MGAT1: variants seen among roughly 807,000 people sequenced by gnomAD.
The protein encoded by MGAT1 is N-glycosyl-oligosaccharide-glycoprotein N-acetylglucosaminyltransferase I.
In MGAT1, 14 loss-of-function variants were observed where a neutral mutation model predicts 31.7. The ratio of observed to expected loss-of-function variants is 0.44; its 90% CI spans 0.29 to 0.69. MGAT1 has a LOEUF of 0.69. Among genes scored for constraint, MGAT1 ranks in the 30% least tolerant of loss-of-function variants. The pLI is 0.12. For synonymous variants in MGAT1, 338 were observed against 276.0 expected, an observed-to-expected ratio of 1.22 and a Z score of -2.23; for missense variants, 557 against 626.0, an observed-to-expected ratio of 0.89 and a Z score of 1.18.
chr5:180,804,443 C>A (rs1271390049), upstream of MGAT1, among the ~76,000 whole-genome samples: 1 of 152,212 alleles, frequency 6.6e-6, no homozygotes, highest in Non-Finnish European at 1.5e-5. Context: ...GGGAGAAGGG[C>A]AGGCCCACCG....
At chr5:180,799,516 G>T (rs6885157) in intron 1 of MGAT1, among the ~76,000 whole-genome samples, 41,529 of 152,054 alleles carry the variant, frequency 0.27, 8,886 homozygotes, top group African/African-American at 0.6. Flanking sequence ...TGGCCACGCT[G>T]ACCTGACTCC....
chr5:180,800,629 T>C (rs1024474377), intron 1 of MGAT1, among the ~76,000 whole-genome samples: 2 of 152,060 alleles, frequency 1.3e-5, no homozygotes, highest in African/African-American at 2.4e-5. Context: ...GGTGAAAGTG[T>C]ATCCTGTTCC....
intron 1 of MGAT1, among the ~76,000 whole-genome samples, chr5:180,796,979 A>C (rs769430481): frequency 2.0e-5 from 3 of 152,166 alleles, no homozygotes; most frequent in Admixed American, 2.0e-4. Context: ...CTCCAATCTA[A>C]TGGCCAGGAT....
In MGAT1 at chr5:180,792,419, T is replaced by A. The variant is rs1416480456; in HGVS notation, c.553A>T (p.Ile185Phe). 1 of 1,611,246 alleles carries A rather than the reference T, an allele frequency of 6.2e-7. No individual in the cohort carries two copies. Among genetic ancestry groups the A allele is most frequent in the Admixed American group, 1.7e-5 (1 of 59,940 alleles). The part of the protein sequence containing the change: ...DHRKFQGYYK[I>F]ARHYRWALGQ... ...AGCGCCCAGCGGTAGTGGCGCGCGA[T>A]CTTGTAGTAGCCCTGGAACTTGCGG... Residue 185 changes from isoleucine to phenylalanine, a missense_variant, in exon 2 of 2, where the codon ATC becomes TTC. Ile to Phe is a conservative substitution (Grantham distance 21). Around this residue, in one of 3 missense-constraint regions of MGAT1, gnomAD observed 245 missense variants for 332.9 expected, o/e 0.74. Coordinates refer to ENST00000307826, the MANE Select transcript of MGAT1 (RefSeq NM_002406.4).
At chr5:180,809,286 A>G (rs1306044457) in intron 1 of MGAT1, 2 of 152,128 alleles carry the variant, frequency 1.3e-5, no homozygotes, top group Non-Finnish European at 2.9e-5. Context: ...TAGTGTTTAC[A>G]TATATAAACA....
At chr5:180,809,511 T>C (rs1772306623) in intron 1 of MGAT1, 1 of 152,086 alleles carries the variant, frequency 6.6e-6, no homozygotes, top group Non-Finnish European at 1.5e-5. Flanking sequence ...CCACCAGCCC[T>C]CTTCAACTAG....
intron 1 of MGAT1, chr5:180,795,758 T>A (rs1769219413): frequency 6.6e-6 from 1 of 152,218 alleles, no homozygotes; most frequent in African/African-American, 2.4e-5. Flanking sequence ...AAGAGCTTCA[T>A]CCATCAGCGT....
upstream of MGAT1, among the ~76,000 whole-genome samples, chr5:180,805,671 A>C (rs901144583): frequency 6.6e-6 from 1 of 152,012 alleles, no homozygotes; most frequent in African/African-American, 2.4e-5. Flanking sequence ...AATTGCTTGA[A>C]CCTGGGAAGC....
chr5:180,799,830 T>C (rs1232335153), intron 1 of MGAT1, among the ~76,000 whole-genome samples: 1 of 152,154 alleles, frequency 6.6e-6, no homozygotes, highest in Non-Finnish European at 1.5e-5. Flanking sequence ...GACTAACTCA[T>C]AAAAGGCAGT....
In MGAT1 at chr5:180,791,489, T is replaced by C. The variant is rs755388515; in HGVS notation, c.*145A>G. Reference sequence around the variant, plus strand: ...GGGAGAATAATCCTCTTGTTATCATTTGTGCACTTAAATGCCACTCGGAAA... The same window carrying C: ...GGGAGAATAATCCTCTTGTTATCATCTGTGCACTTAAATGCCACTCGGAAA... On this transcript the variant is annotated 3_prime_UTR_variant, in exon 2 of 2. Coordinates refer to ENST00000307826, the MANE Select transcript of MGAT1 (RefSeq NM_002406.4). 1.1e-6 allele frequency: 1 copy of C among 932,434 alleles called. No homozygotes were observed. The highest frequency in any genetic ancestry group is 2.6e-5 in the Admixed American group (1 of 38,684). 57.8% of individuals were successfully genotyped at this position (932,434 alleles called of 1,614,324 possible).
Position 180,792,673 on chromosome 5 carries a change from G to T in MGAT1, c.299C>A (p.Thr100Asn). The T allele has an allele frequency of 1.3e-5, 21 of 1,575,662 alleles. No homozygotes were observed. The highest frequency in any genetic ancestry group is 1.8e-5 in the Non-Finnish European group (21 of 1,161,160). The change falls in exon 2 of 2, where the codon ACC (threonine) becomes AAC (asparagine). Residue 100 changes from threonine to asparagine, a missense_variant. This residue lies in a region of MGAT1 where 167 missense variants were observed against 149.8 expected (regional missense o/e 1.11). Coordinates refer to ENST00000307826, the MANE Select transcript of MGAT1 (RefSeq NM_002406.4). The part of the protein sequence containing the change: ...APPAQPRVPV[T>N]PAPAVIPILV... The stretch of plus-strand genomic sequence containing the variant: ...GATGGGAATCACCGCCGGCGCGGGG[G>T]TCACAGGCACACGCGGCTGGGCGGG...
intron 1 of MGAT1, among the ~76,000 whole-genome samples, chr5:180,797,478 T>A (rs1371526745): frequency 1.4e-5 from 2 of 146,324 alleles, no homozygotes; most frequent in Non-Finnish European, 1.5e-5. Flanking sequence ...ATCAATGACC[T>A]GCAGGCCCTT....
At position 180,787,195 on chromosome 5, in the gene MGAT1, C is replaced by A. The variant is rs1231631984; in HGVS notation, c.*4439G>T. ...CGAGTCAGACACGCAGGTCACGGGC[C>A]CAGAGCAGGGCCGGCCCAGGCCCAC... On this transcript the variant is annotated 3_prime_UTR_variant, in exon 2 of 2. Coordinates refer to ENST00000307826, the MANE Select transcript of MGAT1 (RefSeq NM_002406.4). 6.6e-6 allele frequency: 1 copy of A among 152,342 alleles called. No homozygotes were observed. The highest frequency in any genetic ancestry group is 1.5e-5 in the Non-Finnish European group (1 of 68,140). The allele number at this position is 152,342 out of a possible 1,614,324, so 9.4% of individuals were successfully genotyped here.
rs2113205403 is a variant in MGAT1 at position 180,791,838 on chromosome 5, C to G, written c.1134G>C (p.Arg378=). The G allele has an allele frequency of 6.2e-7, 1 of 1,614,236 alleles. No homozygotes were observed. The highest frequency in any genetic ancestry group is 8.5e-7 in the Non-Finnish European group (1 of 1,180,038). Residue 378 remains arginine, a synonymous_variant, in exon 2 of 2, where the codon CGG becomes CGC. Coordinates refer to ENST00000307826, the MANE Select transcript of MGAT1 (RefSeq NM_002406.4). ...LQVEKVRTND[R]KELGEVRVQY... ...GCACCCGCACCTCCCCCAGCTCCTT[C>G]CGGTCATTGGTCCTCACTTTCTCCA...
At chr5:180,806,742 C>G (rs1447603073), upstream of MGAT1, among the ~76,000 whole-genome samples, 1 of 152,216 alleles carries the variant, frequency 6.6e-6, no homozygotes, top group Non-Finnish European at 1.5e-5. Context: ...GGAAAACAGA[C>G]AAAACAGATT....
intron 1 of MGAT1, among the ~76,000 whole-genome samples, chr5:180,797,863 A>G (rs7701334): frequency 1.9e-3 from 222 of 118,604 alleles, no homozygotes; most frequent in African/African-American, 6.5e-3. Flanking sequence ...CCTGGGCCCC[A>G]GTGCTATTTT....
At chr5:180,803,175 G>A (rs1027576983), upstream of MGAT1, 1 of 152,794 alleles carries the variant, frequency 6.5e-6, no homozygotes, top group African/African-American at 2.4e-5. Context: ...CAAGGGCTGG[G>A]AGCCAGTCCC....
chr5:180,811,200 T>A (rs1772538989), intron 1 of MGAT1: 1 of 152,238 alleles, frequency 6.6e-6, no homozygotes, highest in Non-Finnish European at 1.5e-5. Flanking sequence ...AAAACCGGAA[T>A]CTAGGCCCGG....
chr5:180,799,375 C>T (rs927141265), intron 1 of MGAT1, among the ~76,000 whole-genome samples: 2 of 152,176 alleles, frequency 1.3e-5, no homozygotes, highest in Non-Finnish European at 2.9e-5. Flanking sequence ...TGACCCACAG[C>T]GCCACCTGCC....
Sources: gnomAD v4.1 joint callset for allele counts (sites outside exome capture counted in the v4.1 genomes callset) on GRCh38, gnomAD v4.1.1 for gene constraint, gnomAD v4.1.1 regional missense constraint, MANE v1.5 for transcripts, NCBI Gene and HGNC (gene_info 2026-07-23, HGNC 2026-07-21) for gene names.